The following ZNF503 variants were observed in gnomAD, a reference collection of about 807,000 sequenced individuals.
ZNF503 encodes the protein NocA-like zinc finger 2.
A neutral mutation model predicts 34.4 loss-of-function variants in ZNF503; 15 were observed. The observed-to-expected ratio is 0.44, with a 90% confidence interval of 0.29 to 0.67. ZNF503 has a LOEUF of 0.67. Ranked by LOEUF, ZNF503 falls within the 30% of genes least tolerant of loss-of-function variation. ZNF503 has a pLI of 0.13. For synonymous variants in ZNF503, 580 were observed against 456.8 expected (o/e 1.27, Z -3.44); for missense variants, 1,007 against 926.8 (o/e 1.09, Z -1.12).
At chr10:75,379,825 G>A in the ZNF503 span, among the ~76,000 whole-genome samples, 3 of 152,226 alleles carry the variant, frequency 2.0e-5, no homozygotes, top group South Asian at 6.2e-4. Flanking sequence ...CCAGAGGGAA[G>A]CGTGGACGCA....
In ZNF503 at chr10:75,400,177, G is replaced by C; in HGVS notation, c.513C>G (p.Asp171Glu). The C allele has an allele frequency of 6.3e-7, 1 of 1,575,922 alleles. No individual in the cohort carries two copies. The highest frequency in any genetic ancestry group is 8.6e-7 in the Non-Finnish European group (1 of 1,162,730). The change falls in exon 2 of 2, where the codon GAC (aspartate) becomes GAG (glutamate). Residue 171 changes from aspartate (D) to glutamate (E), a missense_variant. Asp to Glu is a conservative substitution (Grantham distance 45). Transcript: ENST00000372524. ...PLKLSDIGVE[D>E]KSSFKPYSKP... ...TGGAGTACGGCTTGAAACTCGACTT[G>C]TCCTCCACGCCGATGTCGCTCAGCT...
the ZNF503 span, among the ~76,000 whole-genome samples, chr10:75,343,968 G>A: frequency 1.3e-5 from 2 of 152,242 alleles, no homozygotes; most frequent in Admixed American, 6.5e-5. Context: ...GCTTCAGCTG[G>A]TGGTGGCAGG....
chr10:75,328,746 C>CTTTTTTTTT, the ZNF503 span, among the ~76,000 whole-genome samples: 1 of 130,792 alleles, frequency 7.6e-6, no homozygotes, highest in African/African-American at 2.9e-5. Context: ...AATGTCTTTT[C>CTTTTTTTTT]TTTTTTTTTT....
chr10:75,333,272 C>T, the ZNF503 span, among the ~76,000 whole-genome samples: 21 of 89,148 alleles, frequency 2.4e-4, no homozygotes, highest in Admixed American at 8.1e-4. Flanking sequence ...GGCGGCTGGC[C>T]GGGCGGGGGG....
At chr10:75,289,892 A>G in the ZNF503 span, among the ~76,000 whole-genome samples, 1 of 152,202 alleles carries the variant, frequency 6.6e-6, no homozygotes, top group Non-Finnish European at 1.5e-5. Context: ...TGTACAGCTC[A>G]GTGTTATTAA....
the ZNF503 span, among the ~76,000 whole-genome samples, chr10:75,292,294 G>A: frequency 6.6e-6 from 1 of 152,162 alleles, no homozygotes; most frequent in Non-Finnish European, 1.5e-5. Flanking sequence ...ACAAGTCTGA[G>A]GGCTCTCTTT....
the ZNF503 span, among the ~76,000 whole-genome samples, chr10:75,285,210 A>G: frequency 6.6e-6 from 1 of 152,206 alleles, no homozygotes; most frequent in South Asian, 2.1e-4. Context: ...CACAACCACT[A>G]CAGAGTTGGT....
the ZNF503 span, among the ~76,000 whole-genome samples, chr10:75,317,458 T>TG: frequency 2.7e-5 from 4 of 149,884 alleles, no homozygotes; most frequent in African/African-American, 9.8e-5. Context: ...TTTTTTTTTT[T>TG]GTACTTTTAG....
chr10:75,343,563 A>C, the ZNF503 span, among the ~76,000 whole-genome samples: 1 of 151,940 alleles, frequency 6.6e-6, no homozygotes, highest in Non-Finnish European at 1.5e-5. Flanking sequence ...TGGCCTGTAC[A>C]TTTCATTTCT....
At chr10:75,335,550 C>T in the ZNF503 span, among the ~76,000 whole-genome samples, 3 of 152,192 alleles carry the variant, frequency 2.0e-5, no homozygotes, top group African/African-American at 4.8e-5. Flanking sequence ...CAATGTTCAG[C>T]CAAGATTGAA....
At chr10:75,352,545 G>A in the ZNF503 span, among the ~76,000 whole-genome samples, 1 of 152,164 alleles carries the variant, frequency 6.6e-6, no homozygotes, top group Non-Finnish European at 1.5e-5. Context: ...CACTTGACGT[G>A]AGCCTCTCTT....
chr10:75,392,549 T>G, the ZNF503 span, among the ~76,000 whole-genome samples: 1 of 152,100 alleles, frequency 6.6e-6, no homozygotes. Context: ...GTATGATGGG[T>G]GCCATCCATC....
the ZNF503 span, among the ~76,000 whole-genome samples, chr10:75,351,043 G>C: frequency 6.6e-6 from 1 of 152,138 alleles, no homozygotes; most frequent in Non-Finnish European, 1.5e-5. Flanking sequence ...TGGGTATTCA[G>C]GTTGTTTCCA....
the ZNF503 span, among the ~76,000 whole-genome samples, chr10:75,308,698 G>C: frequency 6.6e-6 from 1 of 152,212 alleles, no homozygotes; most frequent in African/African-American, 2.4e-5. Flanking sequence ...CTTTGAGGTT[G>C]TCAAGACATC....
the ZNF503 span, among the ~76,000 whole-genome samples, chr10:75,349,804 C>G: frequency 7.2e-5 from 11 of 152,186 alleles, no homozygotes; most frequent in South Asian, 2.1e-4. Context: ...AACCAGGGTC[C>G]AAATTGTTTA....
At chr10:75,319,141 T>C in the ZNF503 span, among the ~76,000 whole-genome samples, 1,880 of 152,202 alleles carry the variant, frequency 0.012, 38 homozygotes, top group African/African-American at 0.042. Context: ...TATTTTTGTA[T>C]TCTTTGTAGA....
At chr10:75,393,856 C>G (rs1436747387), downstream of ZNF503, among the ~76,000 whole-genome samples, 1 of 151,222 alleles carries the variant, frequency 6.6e-6, no homozygotes, top group African/African-American at 2.4e-5. Context: ...GAGACTCTGT[C>G]TCAAAAAAAA....
the ZNF503 span, among the ~76,000 whole-genome samples, chr10:75,354,430 T>C: frequency 6.6e-6 from 1 of 152,196 alleles, no homozygotes; most frequent in Non-Finnish European, 1.5e-5. Context: ...AACTTGAATC[T>C]TGCTGGGCTT....
chr10:75,329,417 TCCTTCCTTCCTTC>T, the ZNF503 span, among the ~76,000 whole-genome samples: 1 of 64,042 alleles, frequency 1.6e-5, no homozygotes, highest in African/African-American at 5.5e-5. Flanking sequence ...TTCCTTCCTT[TCCTTCCTTCCTTC>T]CTTCCTTTCT....
Sources: allele counts gnomAD v4.1 joint callset (sites outside exome capture counted in the v4.1 genomes callset), GRCh38; gene constraint gnomAD v4.1.1; transcripts MANE v1.5; gene names NCBI Gene and HGNC (gene_info 2026-07-23, HGNC 2026-07-21).